Variants in NXN observed in about 807,000 individuals in gnomAD.
The protein encoded by NXN is nucleoredoxin.
A neutral mutation model predicts 48.6 loss-of-function variants in NXN; 16 were observed. That is an observed-to-expected ratio of 0.33 (90% CI 0.22 to 0.50). NXN has a LOEUF of 0.50. NXN is among the 20% of genes least tolerant of loss of function. NXN has a pLI of 0.98. For synonymous variants in NXN, 281 were observed against 269.6 expected, an observed-to-expected ratio of 1.04 and a Z score of -0.41; for missense variants, 492 against 605.5, an observed-to-expected ratio of 0.81 and a Z score of 1.97.
Position 943,489 on chromosome 17 carries a change from A to G in NXN, c.360+35830T>C, listed in dbSNP as rs542951883. Among the ~76,000 whole-genome samples, 5 of 152,330 alleles carry G rather than the reference A, an allele frequency of 3.3e-5. No homozygotes were observed. The East Asian group carries it at 9.6e-4, about 29-fold the overall frequency. On this transcript the variant is annotated intron_variant, in intron 1 of 7. Transcript: ENST00000336868. ...CTGCCCAGCCTTGAGATCCCAAAAA[A>G]AAGTAACATCTGGTCATTAAATCAT...
intron 1 of NXN, among the ~76,000 whole-genome samples, chr17:955,784 C>T (rs1180103393): frequency 6.6e-6 from 1 of 152,040 alleles, no homozygotes; most frequent in East Asian, 1.9e-4. Context: ...CGCCTGTAGT[C>T]CCAGCAACTC....
intron 3 of NXN, among the ~76,000 whole-genome samples, chr17:822,961 TTGGTAG>T (rs1912894856): frequency 1.3e-5 from 2 of 151,196 alleles, no homozygotes; most frequent in African/African-American, 2.4e-5. Context: ...TTAGCCGGGT[TTGGTAG>T]TGTGCGCCTG....
intron 1 of NXN, among the ~76,000 whole-genome samples, chr17:892,057 C>G (rs566285915): frequency 1.1e-4 from 16 of 150,096 alleles, no homozygotes; most frequent in African/African-American, 3.5e-4. Flanking sequence ...GGAACCTAAA[C>G]TAACCCCACC....
chr17:844,829 C>T (rs1027641113), intron 1 of NXN, among the ~76,000 whole-genome samples: 4 of 151,986 alleles, frequency 2.6e-5, no homozygotes, highest in Admixed American at 6.6e-5. Context: ...GTGATCTGCC[C>T]GCCTCGGCCT....
At chr17:843,016 GAAAGAAAGAA>G (rs1567829037) in intron 1 of NXN, among the ~76,000 whole-genome samples, 34 of 113,304 alleles carry the variant, frequency 3.0e-4, no homozygotes, top group Non-Finnish European at 5.3e-4. Context: ...GAGAAAGAAA[GAAAGAAAGAA>G]AGAAAGAAAG....
chr17:883,880 C>A (rs1306159904), intron 1 of NXN, among the ~76,000 whole-genome samples: 1 of 152,126 alleles, frequency 6.6e-6, no homozygotes, highest in Non-Finnish European at 1.5e-5. Context: ...TTAAGGCCAG[C>A]CTGAGCAACA....
chr17:858,903 C>T (rs528519770), intron 1 of NXN, among the ~76,000 whole-genome samples: 3 of 152,150 alleles, frequency 2.0e-5, no homozygotes, highest in Non-Finnish European at 4.4e-5. Flanking sequence ...CCTCAGGCTT[C>T]TCTTTCTATC....
intron 1 of NXN, among the ~76,000 whole-genome samples, chr17:937,449 C>T (rs1252863124): frequency 6.6e-6 from 1 of 152,100 alleles, no homozygotes; most frequent in Admixed American, 6.5e-5. Flanking sequence ...GTGATCCGTA[C>T]ACAGTGAGAA....
At chr17:831,849 T>G (rs921424035) in intron 1 of NXN, among the ~76,000 whole-genome samples, 1 of 150,418 alleles carries the variant, frequency 6.6e-6, no homozygotes, top group Non-Finnish European at 1.5e-5. Context: ...GGCTACTGAT[T>G]ATTCTTTGAA....
At chr17:816,430 G>A (rs1295992077) in intron 5 of NXN, among the ~76,000 whole-genome samples, 2 of 151,972 alleles carry the variant, frequency 1.3e-5, no homozygotes, top group Non-Finnish European at 2.9e-5. Flanking sequence ...GCAAGAAAAC[G>A]TGTCGGCCGG....
chr17:876,532 G>A (rs2068217895), intron 1 of NXN, among the ~76,000 whole-genome samples: 1 of 152,202 alleles, frequency 6.6e-6, no homozygotes, highest in Non-Finnish European at 1.5e-5. Context: ...CATCAATGAA[G>A]AAAGCACCTG....
In NXN at chr17:979,452, G is replaced by T; in HGVS notation, c.227C>A (p.Ala76Glu). 8.2e-7 allele frequency: 1 copy of T among 1,225,852 alleles called. No individual in the cohort carries two copies. Among genetic ancestry groups the T allele is most frequent in the Non-Finnish European group, 1.0e-6 (1 of 976,566 alleles). 75.9% of individuals were successfully genotyped at this position (1,225,852 alleles called of 1,614,324 possible). ...AGPGPGAGAG[A>E]AAEPEPRRRL... is the part of the protein sequence containing the mutation. ...CCGCCGCGGCTCGGGCTCCGCCGCC[G>T]CCCCGGCCCCCGCTCCCGGCCCCGG... Residue 76 changes from alanine to glutamate, a missense_variant, in exon 1 of 8, where the codon GCG becomes GAG. Physicochemically the swap from Ala to Glu is moderately radical, Grantham distance 107 (BLOSUM62 -1). This residue lies in a region of NXN where 186 missense variants were observed against 199.1 expected (regional missense o/e 0.93). Transcript: ENST00000336868.
Position 803,715 on chromosome 17 carries a change from C to A in NXN, c.1092G>T (p.Glu364Asp). ...CTACGAAGAACAGAAGGGGTGCCTC[C>A]TCCTCTTTGGCTTTGTACTTGGCAA... is the stretch of plus-strand genomic sequence containing the variant. ...KIIAKYKAKEEEAPLLFFVAG... is the reference protein window; with the variant it reads ...KIIAKYKAKEDEAPLLFFVAG... The change falls in exon 7 of 8, where the codon GAG (glutamate) becomes GAT (aspartate). Residue 364 changes from glutamate (E) to aspartate (D), a missense_variant. Glu to Asp is a conservative substitution (Grantham distance 45). This residue lies in a region of NXN where 303 missense variants were observed against 388.3 expected (regional missense o/e 0.78). Transcript: ENST00000336868. 6.2e-7 allele frequency: 1 copy of A among 1,614,240 alleles called. No homozygotes were observed. The highest frequency in any genetic ancestry group is 8.5e-7 in the Non-Finnish European group (1 of 1,180,046).
At chr17:857,130 G>C (rs532167136) in intron 1 of NXN, among the ~76,000 whole-genome samples, 1 of 152,222 alleles carries the variant, frequency 6.6e-6, no homozygotes, top group Non-Finnish European at 1.5e-5. Context: ...TCTCTCAGTT[G>C]TGGTGGGTGG....
intron 5 of NXN, among the ~76,000 whole-genome samples, chr17:815,357 T>C (rs1381176870): frequency 6.7e-6 from 1 of 149,696 alleles, no homozygotes; most frequent in African/African-American, 2.5e-5. Context: ...CTAAGCTCTG[T>C]AGGTTTTGAA....
intron 1 of NXN, among the ~76,000 whole-genome samples, chr17:964,165 G>A (rs1255159165): frequency 6.6e-6 from 1 of 152,198 alleles, no homozygotes; most frequent in Non-Finnish European, 1.5e-5. Flanking sequence ...ATGCTGAGCA[G>A]AGGAATATAA....
rs1418357553 is a variant in NXN, at chr17:955,782, G to A, written c.360+23537C>T. Among the ~76,000 whole-genome samples, 3 of 151,922 alleles carry A rather than the reference G, an allele frequency of 2.0e-5. No individual in the cohort carries two copies. In the East Asian group the frequency reaches 5.9e-4, roughly 30 times the overall value. Reference sequence around the variant, plus strand: ...CCGGGCGTGGTGGCGGGCGCCTGTAGTCCCAGCAACTCGGGAGGCTGAGGC... The same window carrying A: ...CCGGGCGTGGTGGCGGGCGCCTGTAATCCCAGCAACTCGGGAGGCTGAGGC... On this transcript the variant is annotated intron_variant, in intron 1 of 7. Coordinates refer to ENST00000336868, the MANE Select transcript of NXN (RefSeq NM_022463.5).
At chr17:913,315 C>T (rs891001948) in intron 1 of NXN, among the ~76,000 whole-genome samples, 1 of 152,164 alleles carries the variant, frequency 6.6e-6, no homozygotes, top group African/African-American at 2.4e-5. Context: ...CCACAGAGCA[C>T]CCCCACAGCC....
chr17:977,426 T>C (rs1384775200), intron 1 of NXN, among the ~76,000 whole-genome samples: 3 of 152,262 alleles, frequency 2.0e-5, no homozygotes, highest in Non-Finnish European at 2.9e-5. Flanking sequence ...CAGAATACTT[T>C]TTGTCATGCA....
Sources: allele counts gnomAD v4.1 joint callset (sites outside exome capture counted in the v4.1 genomes callset), GRCh38; gene constraint gnomAD v4.1.1; regional missense constraint gnomAD v4.1.1; transcripts MANE v1.5; gene names NCBI Gene and HGNC (gene_info 2026-07-23, HGNC 2026-07-21).